The following LRRTM3 variants were observed in gnomAD, a reference collection of about 807,000 sequenced individuals.
The protein encoded by LRRTM3 is leucine-rich repeat transmembrane neuronal protein 3.
Under a neutral mutation model 44.7 loss-of-function variants are expected in LRRTM3, and 24 were observed. The observed-to-expected ratio is 0.54, with a 90% confidence interval of 0.39 to 0.76. The LOEUF is 0.76. LRRTM3 is among the 30% of genes least tolerant of loss of function. The probability of loss-of-function intolerance (pLI) is 0.00; values close to 1 mark genes in which losing one functional copy is unlikely to be tolerated. For missense variants in LRRTM3, 587 were observed against 702.2 expected, an observed-to-expected ratio of 0.84 and a Z score of 1.85; for synonymous variants, 277 against 278.7, an observed-to-expected ratio of 0.99 and a Z score of 0.06.
At chr10:66,976,946 T>C (rs1452962380) in intron 2 of LRRTM3, among the ~76,000 whole-genome samples, 2 of 152,170 alleles carry the variant, frequency 1.3e-5, no homozygotes, top group Non-Finnish European at 2.9e-5. Context: ...AACCAAAATT[T>C]AAATTTCTAG....
At chr10:67,060,103 C>A (rs529279434) in intron 2 of LRRTM3, among the ~76,000 whole-genome samples, 32 of 151,890 alleles carry the variant, frequency 2.1e-4, no homozygotes, top group Non-Finnish European at 3.8e-4. Flanking sequence ...ATCACTTGAG[C>A]CTAGGATTTC....
chr10:66,951,677 C>A (rs897557539), intron 2 of LRRTM3, among the ~76,000 whole-genome samples: 6 of 152,112 alleles, frequency 3.9e-5, no homozygotes, highest in Admixed American at 3.9e-4. Context: ...CTCCATTAAT[C>A]CTGAATGTGA....
At chr10:66,970,509 G>GGGC (rs894279706) in intron 2 of LRRTM3, among the ~76,000 whole-genome samples, 5 of 137,866 alleles carry the variant, frequency 3.6e-5, no homozygotes, top group African/African-American at 7.8e-5. Context: ...GGGTGGGGGG[G>GGGC]GGATACAATT....
In LRRTM3 at chr10:66,926,806, TAA is replaced by T. The variant is rs1411804126; in HGVS notation, c.5-114_5-113del. 1.5e-5 allele frequency: 15 copies of T among 1,002,348 alleles called. No homozygotes were observed. In the African/African-American group the frequency reaches 1.6e-4, roughly 11 times the overall value. The allele number at this position is 1,002,348 out of a possible 1,614,324, so 62.1% of individuals were successfully genotyped here. On this transcript the variant is annotated intron_variant, in intron 1 of 2. Transcript: ENST00000361320. ...ATTACAAAGAGATAATATGTGATGT[TAA>T]GTGTTATTTAGATTTAAATTTTTAA...
intron 2 of LRRTM3, among the ~76,000 whole-genome samples, chr10:67,014,716 T>C (rs1254505426): frequency 6.6e-6 from 1 of 151,960 alleles, no homozygotes; most frequent in South Asian, 2.1e-4. Flanking sequence ...AAACTTCAAG[T>C]AATAAAGAGA....
intron 2 of LRRTM3, among the ~76,000 whole-genome samples, chr10:67,004,417 AT>A (rs1851857464): frequency 6.6e-6 from 1 of 152,228 alleles, no homozygotes; most frequent in Non-Finnish European, 1.5e-5. Context: ...TGTTAAAATG[AT>A]GACACATGTA....
chr10:66,961,943 A>C (rs1175027625), intron 2 of LRRTM3, among the ~76,000 whole-genome samples: 2 of 152,016 alleles, frequency 1.3e-5, no homozygotes, highest in East Asian at 3.9e-4. Flanking sequence ...GCCACTTCCA[A>C]CTCATCACTA....
chr10:66,997,974 T>C (rs898120730), intron 2 of LRRTM3, among the ~76,000 whole-genome samples: 1 of 152,182 alleles, frequency 6.6e-6, no homozygotes, highest in Non-Finnish European at 1.5e-5. Flanking sequence ...TCATCATTCA[T>C]CACTTGGATT....
At chr10:67,057,006 A>G (rs1266282167) in intron 2 of LRRTM3, among the ~76,000 whole-genome samples, 3 of 152,156 alleles carry the variant, frequency 2.0e-5, no homozygotes, top group Admixed American at 1.3e-4. Flanking sequence ...AAGTTCTCTA[A>G]TTAGTCACAG....
intron 2 of LRRTM3, among the ~76,000 whole-genome samples, chr10:67,054,317 T>C (rs768456266): frequency 1.3e-5 from 2 of 152,068 alleles, no homozygotes; most frequent in South Asian, 2.1e-4. Flanking sequence ...AGTACTGAAA[T>C]GTAACAAAAG....
chr10:67,079,655 C>G (rs1305704896), intron 2 of LRRTM3, among the ~76,000 whole-genome samples: 1 of 152,036 alleles, frequency 6.6e-6, no homozygotes, highest in Non-Finnish European at 1.5e-5. Flanking sequence ...CAAGACCAGC[C>G]TGGCCAATAT....
chr10:66,947,824 G>C (rs777735439), intron 2 of LRRTM3, among the ~76,000 whole-genome samples: 7 of 152,152 alleles, frequency 4.6e-5, no homozygotes, highest in Non-Finnish European at 1.0e-4. Flanking sequence ...GGAAAATGCA[G>C]TCATGTGGCG....
chr10:66,979,090 G>A (rs1216745976), intron 2 of LRRTM3, among the ~76,000 whole-genome samples: 1 of 149,244 alleles, frequency 6.7e-6, no homozygotes, highest in African/African-American at 2.5e-5. Context: ...TCAGCCTCCT[G>A]AGTAGCTGGG....
intron 2 of LRRTM3, among the ~76,000 whole-genome samples, chr10:67,056,620 A>G (rs1855447595): frequency 6.6e-6 from 1 of 152,150 alleles, no homozygotes; most frequent in Non-Finnish European, 1.5e-5. Context: ...GGATAACAAT[A>G]AGGGCATTCC....
chr10:66,984,398 AT>A (rs1389493414), intron 2 of LRRTM3, among the ~76,000 whole-genome samples: 1 of 152,140 alleles, frequency 6.6e-6, no homozygotes, highest in Non-Finnish European at 1.5e-5. Flanking sequence ...TAAGAAGTTA[AT>A]TTTTTCTTGC....
chr10:66,981,173 G>A (rs1448985265), intron 2 of LRRTM3, among the ~76,000 whole-genome samples: 1 of 152,118 alleles, frequency 6.6e-6, no homozygotes, highest in Non-Finnish European at 1.5e-5. Flanking sequence ...CAAAGTGCTG[G>A]GATTACAGGC....
At chr10:66,992,947 G>A (rs1352714114) in intron 2 of LRRTM3, among the ~76,000 whole-genome samples, 2 of 152,032 alleles carry the variant, frequency 1.3e-5, no homozygotes, top group Non-Finnish European at 2.9e-5. Context: ...AATTGTTATA[G>A]CTTTATAAGT....
intron 2 of LRRTM3, among the ~76,000 whole-genome samples, chr10:66,985,379 G>T (rs1426649293): frequency 6.6e-6 from 1 of 152,148 alleles, no homozygotes. Flanking sequence ...CTACAGCTCA[G>T]AACATGAAAA....
chr10:66,950,361 AT>A (rs201554861), intron 2 of LRRTM3, among the ~76,000 whole-genome samples: 2 of 151,634 alleles, frequency 1.3e-5, no homozygotes, highest in South Asian at 2.1e-4. Context: ...AAAATCTTAC[AT>A]TTTTTTTGTA....
Sources: gnomAD v4.1 joint callset for allele counts (sites outside exome capture counted in the v4.1 genomes callset) on GRCh38, gnomAD v4.1.1 for gene constraint, MANE v1.5 for transcripts, NCBI Gene and HGNC (gene_info 2026-07-23, HGNC 2026-07-21) for gene names.